MSRA: variants seen among roughly 807,000 people sequenced by gnomAD.
MSRA encodes methionine sulfoxide reductase A, also known as mitochondrial peptide methionine sulfoxide reductase.
Under a neutral mutation model 31.3 loss-of-function variants are expected in MSRA, and 54 were observed. The ratio of observed to expected loss-of-function variants is 1.73; its 90% CI spans 1.39 to 2.17. The LOEUF (loss-of-function observed/expected upper bound fraction) is 2.17. MSRA is among the 30% of genes most tolerant of loss of function. MSRA has a pLI of 0.00. For synonymous variants in MSRA, 169 were observed against 116.5 expected, an observed-to-expected ratio of 1.45 and a Z score of -2.90; for missense variants, 507 against 300.9, an observed-to-expected ratio of 1.69 and a Z score of -5.07.
intron 3 of MSRA, among the ~76,000 whole-genome samples, chr8:10,257,501 G>A (rs190952992): frequency 6.6e-6 from 1 of 152,120 alleles, no homozygotes; most frequent in Non-Finnish European, 1.5e-5. Flanking sequence ...CCGCCTCCCT[G>A]GCTCAAGCGA....
chr8:10,413,879 G>A (rs935677206), intron 5 of MSRA, among the ~76,000 whole-genome samples: 3 of 152,128 alleles, frequency 2.0e-5, no homozygotes, highest in African/African-American at 7.2e-5. Flanking sequence ...AGTTTGAAAG[G>A]ATAGGTCAGG....
Position 10,272,720 on chromosome 8 carries a change from C to G in MSRA, c.331+27497C>G, listed in dbSNP as rs556186231. On this transcript the variant is annotated intron_variant, in intron 3 of 5. Coordinates refer to ENST00000317173, the MANE Select transcript of MSRA (RefSeq NM_012331.5). ...ATTCTACAGGAAAGCGTCCAAATGT[C>G]GATACTATGTAGATTTATGTGTTTA... is the stretch of plus-strand genomic sequence containing the variant. 5.3e-5 allele frequency among the ~76,000 whole-genome samples: 8 copies of G among 152,278 alleles called. 1 individual carries two copies. The highest frequency in any genetic ancestry group is 5.2e-4 in the Admixed American group (8 of 15,296).
At chr8:10,258,099 G>A (rs1308173716) in intron 3 of MSRA, among the ~76,000 whole-genome samples, 1 of 152,172 alleles carries the variant, frequency 6.6e-6, no homozygotes, top group Non-Finnish European at 1.5e-5. Context: ...TAGGGAGGGG[G>A]TAGGCTAGTG....
At chr8:10,084,362 G>T (rs1798445778) in intron 1 of MSRA, among the ~76,000 whole-genome samples, 1 of 152,244 alleles carries the variant, frequency 6.6e-6, no homozygotes, top group African/African-American at 2.4e-5. Context: ...AGTGACCCCT[G>T]CCCGGCTCCA....
chr8:10,130,828 T>A (rs1234655843), intron 1 of MSRA, among the ~76,000 whole-genome samples: 1 of 152,158 alleles, frequency 6.6e-6, no homozygotes, highest in African/African-American at 2.4e-5. Context: ...GCAAATTGTC[T>A]TTGAGCCTTT....
intron 4 of MSRA, among the ~76,000 whole-genome samples, chr8:10,310,210 G>T (rs1801360806): frequency 6.6e-6 from 1 of 152,202 alleles, no homozygotes; most frequent in Non-Finnish European, 1.5e-5. Flanking sequence ...ATGAGCAGAT[G>T]TGCAGACTCG....
chr8:10,395,601 G>A (rs76295536), intron 5 of MSRA, among the ~76,000 whole-genome samples: 4,340 of 152,274 alleles, frequency 0.029, 110 homozygotes, highest in Non-Finnish European at 0.046. Flanking sequence ...AGTCCAGGCA[G>A]CATCATGAAT....
At chr8:10,415,699 C>T (rs978031447) in intron 5 of MSRA, among the ~76,000 whole-genome samples, 11 of 151,990 alleles carry the variant, frequency 7.2e-5, no homozygotes, top group Admixed American at 3.3e-4. Flanking sequence ...ACCTGACTTG[C>T]CCTCCCTGCA....
rs183166270 is a variant in MSRA, at chr8:10,153,717, C to G, written c.143-54116C>G. 1.5e-3 allele frequency among the ~76,000 whole-genome samples: 223 copies of G among 152,238 alleles called. 1 individual carries two copies. Among genetic ancestry groups the G allele is most frequent in the Non-Finnish European group, 2.7e-3 (181 of 68,018 alleles). ...CGCTGGCTGCTCTTCCATGTTGCCCCCTTCATAACAAAGTGTTCGCTATCA... is the reference window on the plus strand; with the variant it reads ...CGCTGGCTGCTCTTCCATGTTGCCCGCTTCATAACAAAGTGTTCGCTATCA... On this transcript the variant is annotated intron_variant, in intron 1 of 5. Coordinates refer to ENST00000317173, the MANE Select transcript of MSRA (RefSeq NM_012331.5).
intron 1 of MSRA, among the ~76,000 whole-genome samples, chr8:10,201,718 T>C (rs1296197512): frequency 1.3e-5 from 2 of 152,254 alleles, no homozygotes; most frequent in Non-Finnish European, 2.9e-5. Context: ...CTTTTGAACA[T>C]GTCCCCCCGA....
chr8:10,188,636 G>GTCCCAT (rs1807255006), intron 1 of MSRA, among the ~76,000 whole-genome samples: 3 of 152,164 alleles, frequency 2.0e-5, no homozygotes, highest in Non-Finnish European at 4.4e-5. Context: ...ATATACAGTT[G>GTCCCAT]TTCCAGCACC....
At chr8:10,118,947 GC>G (rs748286823) in intron 1 of MSRA, among the ~76,000 whole-genome samples, 110 of 152,282 alleles carry the variant, frequency 7.2e-4, no homozygotes, top group East Asian at 3.1e-3. Context: ...TCCTGGTCCA[GC>G]CCGGGCTGGT....
At chr8:10,128,164 G>C (rs1418018586) in intron 1 of MSRA, among the ~76,000 whole-genome samples, 2 of 152,126 alleles carry the variant, frequency 1.3e-5, no homozygotes, top group Non-Finnish European at 2.9e-5. Flanking sequence ...GATCACCCGA[G>C]ATCAGGAGTT....
chr8:10,198,910 A>G (rs1438639225), intron 1 of MSRA, among the ~76,000 whole-genome samples: 1 of 152,214 alleles, frequency 6.6e-6, no homozygotes, highest in Non-Finnish European at 1.5e-5. Context: ...TTCATGTGCC[A>G]TGAGCAGTGT....
At chr8:10,117,167 A>T (rs979510605) in intron 1 of MSRA, among the ~76,000 whole-genome samples, 1 of 152,148 alleles carries the variant, frequency 6.6e-6, no homozygotes, top group Non-Finnish European at 1.5e-5. Flanking sequence ...CCTCTGTCAG[A>T]TTCCTAGAGT....
chr8:10,418,354 A>G (rs1231154720), intron 5 of MSRA, among the ~76,000 whole-genome samples: 1 of 152,050 alleles, frequency 6.6e-6, no homozygotes, highest in Non-Finnish European at 1.5e-5. Context: ...TCAAACTGTG[A>G]TGGAAATGAG....
intron 1 of MSRA, among the ~76,000 whole-genome samples, chr8:10,069,749 G>A (rs1355274396): frequency 6.6e-6 from 1 of 152,136 alleles, no homozygotes; most frequent in African/African-American, 2.4e-5. Context: ...ATCACACTGG[G>A]AATTCAATTT....
chr8:10,296,221 T>C (rs1585395451), intron 3 of MSRA, among the ~76,000 whole-genome samples: 1 of 152,106 alleles, frequency 6.6e-6, no homozygotes, highest in East Asian at 1.9e-4. Context: ...AATGGATAAA[T>C]TGGAGTGAGG....
chr8:10,067,563 C>T (rs893209492), intron 1 of MSRA, among the ~76,000 whole-genome samples: 12 of 152,124 alleles, frequency 7.9e-5, no homozygotes, highest in African/African-American at 2.9e-4. Context: ...AGTGTGATTT[C>T]TGGGTTGTAT....
Sources: gnomAD v4.1 joint callset for allele counts (sites outside exome capture counted in the v4.1 genomes callset) on GRCh38, gnomAD v4.1.1 for gene constraint, MANE v1.5 for transcripts, NCBI Gene and HGNC (gene_info 2026-07-23, HGNC 2026-07-21) for gene names.